PRKACB: variants seen among roughly 807,000 people sequenced by gnomAD.
PRKACB encodes the protein protein kinase cAMP-activated catalytic subunit beta, also known as cAMP-dependent protein kinase catalytic subunit beta.
Under a neutral mutation model 51.4 loss-of-function variants are expected in PRKACB, and 16 were observed. The ratio of observed to expected loss-of-function variants is 0.31; its 90% CI spans 0.21 to 0.47. PRKACB has a LOEUF of 0.47. Among genes scored for constraint, PRKACB ranks in the 20% least tolerant of loss-of-function variants. PRKACB has a pLI of 1.00. For synonymous variants in PRKACB, 147 were observed against 154.4 expected (o/e 0.95, Z 0.35); for missense variants, 309 against 464.5 (o/e 0.67, Z 3.08).
intron 1 of PRKACB, among the ~76,000 whole-genome samples, chr1:84,125,085 C>G (rs1348444223): frequency 6.6e-6 from 1 of 152,140 alleles, no homozygotes; most frequent in Non-Finnish European, 1.5e-5. Context: ...TATTATCTCA[C>G]TGTTCTGTAG....
chr1:84,120,366 C>T (rs1474558348), intron 1 of PRKACB, among the ~76,000 whole-genome samples: 1 of 152,016 alleles, frequency 6.6e-6, no homozygotes, highest in East Asian at 1.9e-4. Flanking sequence ...AAAATGATGA[C>T]ATCAGTCAGG....
intron 5 of PRKACB, among the ~76,000 whole-genome samples, chr1:84,186,226 G>GT (rs34133387): frequency 6.6e-6 from 1 of 150,438 alleles, no homozygotes; most frequent in African/African-American, 2.4e-5. Flanking sequence ...TTTGTTTTTG[G>GT]TTTTTTTTTT....
chr1:84,184,845 G>C (rs1283110478), intron 4 of PRKACB, among the ~76,000 whole-genome samples: 1 of 151,584 alleles, frequency 6.6e-6, no homozygotes, highest in Admixed American at 6.6e-5. Context: ...GTATTTAATT[G>C]TTTGAGAACT....
intron 9 of PRKACB, among the ~76,000 whole-genome samples, chr1:84,234,384 C>T (rs1372965865): frequency 6.6e-6 from 1 of 152,206 alleles, no homozygotes; most frequent in Non-Finnish European, 1.5e-5. Flanking sequence ...TGTGCCCTGC[C>T]CCCAGAGGTG....
At chr1:84,097,312 TAG>T (rs1465966610) in intron 1 of PRKACB, among the ~76,000 whole-genome samples, 1 of 147,802 alleles carries the variant, frequency 6.8e-6, no homozygotes, top group Non-Finnish European at 1.5e-5. Context: ...CATTAGTAGA[TAG>T]TATCTACATT....
intron 1 of PRKACB, among the ~76,000 whole-genome samples, chr1:84,132,765 T>C (rs907013401): frequency 2.0e-5 from 3 of 152,052 alleles, no homozygotes; most frequent in Non-Finnish European, 2.9e-5. Flanking sequence ...ATCAATAGAA[T>C]GGGCACTGCT....
intron 1 of PRKACB, among the ~76,000 whole-genome samples, chr1:84,083,365 A>G (rs1002787994): frequency 3.3e-5 from 5 of 152,198 alleles, no homozygotes; most frequent in Non-Finnish European, 4.4e-5. Flanking sequence ...ACTGTATCAA[A>G]TTATCTCATG....
chr1:84,105,290 A>G (rs988782622), intron 1 of PRKACB, among the ~76,000 whole-genome samples: 1 of 152,076 alleles, frequency 6.6e-6, no homozygotes, highest in African/African-American at 2.4e-5. Context: ...TTTTTTCTGG[A>G]CCATCCAATT....
At position 84,096,644 on chromosome 1, in the gene PRKACB, A is replaced by G. The variant is rs1648944838; in HGVS notation, c.46+18273A>G. Among the ~76,000 whole-genome samples, 4 of 152,046 alleles carry G rather than the reference A, an allele frequency of 2.6e-5. No homozygotes were observed. In the South Asian group the frequency reaches 8.3e-4, roughly 32 times the overall value. On this transcript the variant is annotated intron_variant, in intron 1 of 8. Transcript: ENST00000370688. ...ACTCCTTTGCTAATACTTTCAAACA[A>G]CTCTTACCCCATTTCTACCAATATT...
rs1458368006 is a variant in PRKACB at position 84,238,126 on chromosome 1, C to T, written c.*2821C>T. ...TTTCTCACTCACCGATGCTGAATACCCAGTTGAATCAAACTGTCAACCTAC... is the reference window on the plus strand; with the variant it reads ...TTTCTCACTCACCGATGCTGAATACTCAGTTGAATCAAACTGTCAACCTAC... On this transcript the variant is annotated 3_prime_UTR_variant, in exon 10 of 10. Transcript: ENST00000370685. 1 of 152,084 alleles carries T rather than the reference C, an allele frequency of 6.6e-6. No homozygotes were observed. Among genetic ancestry groups the T allele is most frequent in the Non-Finnish European group, 1.5e-5 (1 of 67,970 alleles). 9.4% of individuals were successfully genotyped at this position (152,084 alleles called of 1,614,324 possible).
chr1:84,120,210 AT>A (rs1557965558), intron 1 of PRKACB, among the ~76,000 whole-genome samples: 1 of 152,130 alleles, frequency 6.6e-6, no homozygotes, highest in Non-Finnish European at 1.5e-5. Context: ...GGGTATTAAA[AT>A]GTCTCAACTG....
intron 1 of PRKACB, among the ~76,000 whole-genome samples, chr1:84,101,189 G>A (rs1292344948): frequency 1.3e-5 from 2 of 152,128 alleles, no homozygotes; most frequent in Non-Finnish European, 2.9e-5. Context: ...CTGCAATGAA[G>A]GGCAAGCTGG....
chr1:84,170,876 A>C (rs1201710293), intron 1 of PRKACB, among the ~76,000 whole-genome samples: 1 of 151,678 alleles, frequency 6.6e-6, no homozygotes, highest in Non-Finnish European at 1.5e-5. Flanking sequence ...TTATAGATAT[A>C]GATAGAGAAT....
chr1:84,214,510 T>TTTTTA (rs59394979), intron 9 of PRKACB, among the ~76,000 whole-genome samples, 193 bp downstream of exon 9: 1 of 139,194 alleles, frequency 7.2e-6, no homozygotes, highest in African/African-American at 2.7e-5. Context: ...TTTTTTTTTT[T>TTTTTA]GAGGTGGAGT....
At chr1:84,097,441 G>C (rs942952999) in intron 1 of PRKACB, among the ~76,000 whole-genome samples, 2 of 151,966 alleles carry the variant, frequency 1.3e-5, no homozygotes, top group African/African-American at 4.8e-5. Context: ...GACAGGTATT[G>C]TTTTGTTTTA....
Position 84,109,541 on chromosome 1 carries a change from A to T in PRKACB, c.46+31170A>T, listed in dbSNP as rs551862814. Among the ~76,000 whole-genome samples, 4 of 151,996 alleles carry T rather than the reference A, an allele frequency of 2.6e-5. No individual in the cohort carries two copies. The South Asian group carries it at 8.3e-4, about 31-fold the overall frequency. Reference sequence around the variant, plus strand: ...ATTGTTTCCAATCTTTCTTTGAAAAAATACAAACAGTATTTACACTAATAG... The same window carrying T: ...ATTGTTTCCAATCTTTCTTTGAAAATATACAAACAGTATTTACACTAATAG... On this transcript the variant is annotated intron_variant, in intron 1 of 8. Transcript: ENST00000370688.
At chr1:84,133,258 C>T (rs1280547137) in intron 1 of PRKACB, among the ~76,000 whole-genome samples, 1 of 151,850 alleles carries the variant, frequency 6.6e-6, no homozygotes, top group Non-Finnish European at 1.5e-5. Context: ...AAAAAAATAC[C>T]AACTGACCTA....
At chr1:84,127,913 A>G (rs943268317) in intron 1 of PRKACB, among the ~76,000 whole-genome samples, 8 of 151,984 alleles carry the variant, frequency 5.3e-5, no homozygotes, top group Admixed American at 5.2e-4. Flanking sequence ...CAATTTGCCA[A>G]ATTTTACATT....
At chr1:84,232,672 T>C (rs1675922553) in intron 9 of PRKACB, among the ~76,000 whole-genome samples, 1 of 152,214 alleles carries the variant, frequency 6.6e-6, no homozygotes, top group Admixed American at 6.5e-5. Flanking sequence ...TGTAATGGCC[T>C]TTTTTGACTC....
Sources: gnomAD v4.1 joint callset for allele counts (sites outside exome capture counted in the v4.1 genomes callset) on GRCh38, gnomAD v4.1.1 for gene constraint, MANE v1.5 for transcripts, NCBI Gene and HGNC (gene_info 2026-07-23, HGNC 2026-07-21) for gene names.